RIC1: variants seen among roughly 807,000 people sequenced by gnomAD.
RIC1 encodes the protein guanine nucleotide exchange factor subunit RIC1.
In RIC1, 88 loss-of-function variants were observed where a neutral mutation model predicts 169.0. The observed-to-expected ratio is 0.52, with a 90% CI of 0.44 to 0.62. The LOEUF (loss-of-function observed/expected upper bound fraction) is 0.62. RIC1 is among the 20% of genes least tolerant of loss of function. The pLI, the probability that RIC1 is intolerant of heterozygous loss-of-function variation, is 0.00. For missense variants in RIC1, 1,877 were observed against 1,725.5 expected, an observed-to-expected ratio of 1.09 and a Z score of -1.56; for synonymous variants, 790 against 601.5, an observed-to-expected ratio of 1.31 and a Z score of -4.59.
intron 2 of RIC1, among the ~76,000 whole-genome samples, chr9:5,665,395 C>G (rs1819694065): frequency 6.6e-6 from 1 of 152,150 alleles, no homozygotes; most frequent in Non-Finnish European, 1.5e-5. Flanking sequence ...GCTCCTTTAG[C>G]TCAGTGAAGT....
At chr9:5,651,372 AG>A (rs1818791161) in intron 1 of RIC1, among the ~76,000 whole-genome samples, 1 of 151,484 alleles carries the variant, frequency 6.6e-6, no homozygotes, top group East Asian at 1.9e-4. Context: ...TTTTTTGTGA[AG>A]GAGGCAAGGG....
intron 11 of RIC1, among the ~76,000 whole-genome samples, chr9:5,746,512 A>G (rs1825384619): frequency 6.6e-6 from 1 of 152,152 alleles, no homozygotes; most frequent in Non-Finnish European, 1.5e-5. Context: ...GTAGGGCTCC[A>G]GAGGCTTAAA....
In RIC1 at chr9:5,689,071, C is replaced by T. The variant is rs1224764493; in HGVS notation, c.253-888C>T. On this transcript the variant is annotated intron_variant, in intron 2 of 25. Transcript: ENST00000414202. ...TTTTTTTTTTTTTTTTTTTTTGAGA[C>T]GGAGTCTCGCTCTGTCGCCCAGCGG... Among the ~76,000 whole-genome samples the T allele has an allele frequency of 1.7e-3, 141 of 83,842 alleles. 3 individuals carry two copies. In the South Asian group the frequency reaches 0.039, roughly 23 times the overall value. The allele number at this position is 83,842 out of a possible 152,430, so 55.0% of individuals were successfully genotyped here. A position where few individuals can be genotyped will look rare whatever the true frequency, so the allele number is the denominator to read the frequency against.
chr9:5,637,864 A>G (rs1392301466), intron 1 of RIC1, among the ~76,000 whole-genome samples: 1 of 152,126 alleles, frequency 6.6e-6, no homozygotes, highest in Non-Finnish European at 1.5e-5. Context: ...CCATCTGTTG[A>G]TGGACACTTC....
At chr9:5,733,559 G>A (rs372207026) in intron 7 of RIC1, among the ~76,000 whole-genome samples, 7 of 151,866 alleles carry the variant, frequency 4.6e-5, no homozygotes, top group South Asian at 4.2e-4. Flanking sequence ...CACCGTGCCC[G>A]GCCAGATTTT....
rs769818525 is a variant in RIC1 at position 5,746,015 on chromosome 9, G to A, written c.1180G>A (p.Val394Ile). The stretch of plus-strand genomic sequence containing the variant: ...TGAAATTGAGTCTGACCTCAGGAGT[G>A]TAGTTAAACAGCCCAGCATCCTGTT... ...NTEIESDLRS[V>I]VKQPSILLFQ... The change falls in exon 11 of 26, where the codon GTA (valine) becomes ATA (isoleucine). Residue 394 changes from valine (V) to isoleucine (I), a missense_variant. Coordinates refer to ENST00000414202, the MANE Select transcript of RIC1 (RefSeq NM_020829.4). 1.7e-5 allele frequency: 27 copies of A among 1,613,570 alleles called. No homozygotes were observed. The highest frequency in any genetic ancestry group is 2.0e-5 in the Non-Finnish European group (24 of 1,179,652).
At chr9:5,778,378 TTTTC>T (rs1279871566), downstream of RIC1, among the ~76,000 whole-genome samples, 4 of 152,342 alleles carry the variant, frequency 2.6e-5, no homozygotes, top group Non-Finnish European at 4.4e-5. Flanking sequence ...TCTGGATGCC[TTTTC>T]TTTCTTTCTC....
At position 5,641,368 on chromosome 9, in the gene RIC1, G is replaced by A. The variant is rs1377135187; in HGVS notation, c.144+11915G>A. The stretch of plus-strand genomic sequence containing the variant: ...GGCCTCCCAAAGTGCTGGGATTACA[G>A]GCATGAGCCACCGCGCCCGGCCGCC... On this transcript the variant is annotated intron_variant, in intron 1 of 25. Transcript: ENST00000414202. Among the ~76,000 whole-genome samples the A allele has an allele frequency of 2.6e-5, 4 of 152,110 alleles. No individual in the cohort carries two copies. In the South Asian group the frequency reaches 8.3e-4, roughly 31 times the overall value.
At chr9:5,714,337 C>G (rs938291324) in intron 4 of RIC1, among the ~76,000 whole-genome samples, 2 of 152,142 alleles carry the variant, frequency 1.3e-5, no homozygotes, top group African/African-American at 4.8e-5. Context: ...AGAGAAAGTG[C>G]CTTTGTTTCC....
chr9:5,722,280 C>G (rs1355183814), intron 6 of RIC1, among the ~76,000 whole-genome samples: 1 of 145,660 alleles, frequency 6.9e-6, no homozygotes, highest in Non-Finnish European at 1.5e-5. Context: ...TTTTTTACCC[C>G]GAGGAACTAT....
chr9:5,651,587 A>G (rs1586882389), intron 1 of RIC1, among the ~76,000 whole-genome samples: 1 of 120,300 alleles, frequency 8.3e-6, no homozygotes, highest in African/African-American at 3.1e-5. Context: ...TTTTATTGAG[A>G]CAGTCTCACC....
chr9:5,720,102 A>T, intron 4 of RIC1, 80 bp from the exon 5 acceptor site: 2 of 1,076,704 alleles, frequency 1.9e-6, no homozygotes, highest in Non-Finnish European at 2.7e-6. Context: ...TTGCATGAGT[A>T]TTCTCTAAAG....
intron 2 of RIC1, among the ~76,000 whole-genome samples, chr9:5,665,113 T>A (rs577180963): frequency 6.6e-6 from 1 of 152,244 alleles, no homozygotes; most frequent in South Asian, 2.1e-4. Flanking sequence ...GGAGCGTATA[T>A]ATTGAGGACA....
chr9:5,757,488 T>C (rs774937676), intron 17 of RIC1, 37 bp downstream of exon 17: 2 of 1,609,464 alleles, frequency 1.2e-6, no homozygotes, highest in Non-Finnish European at 1.7e-6. Context: ...GGAGTTTACA[T>C]TTCTGTTTTT....
intron 23 of RIC1, among the ~76,000 whole-genome samples, chr9:5,770,636 T>C (rs991719708): frequency 6.6e-6 from 1 of 152,218 alleles, no homozygotes; most frequent in South Asian, 2.1e-4. Context: ...CAAATTTTAC[T>C]GCATTATCAT....
intron 21 of RIC1, among the ~76,000 whole-genome samples, chr9:5,766,340 C>A (rs917439938): frequency 6.6e-6 from 1 of 152,148 alleles, no homozygotes; most frequent in Non-Finnish European, 1.5e-5. Flanking sequence ...CCTACCTGGC[C>A]AAATGCTACA....
intron 1 of RIC1, among the ~76,000 whole-genome samples, chr9:5,656,005 G>T (rs1586889701): frequency 6.6e-6 from 1 of 152,042 alleles, no homozygotes; most frequent in Middle Eastern, 3.4e-3. Context: ...GAGTAGCTGG[G>T]ACTACAGGCG....
At chr9:5,673,256 C>T (rs1266604696) in intron 2 of RIC1, among the ~76,000 whole-genome samples, 1 of 151,766 alleles carries the variant, frequency 6.6e-6, no homozygotes, top group African/African-American at 2.4e-5. Flanking sequence ...AACAAGGCAA[C>T]TTGCAGAAGG....
chr9:5,724,843 A>T (rs979971316), intron 6 of RIC1, among the ~76,000 whole-genome samples: 7 of 152,152 alleles, frequency 4.6e-5, no homozygotes, highest in African/African-American at 1.7e-4. Flanking sequence ...GGTTCTGTTT[A>T]TATGCTGTAT....
Sources: gnomAD v4.1 joint callset for allele counts (sites outside exome capture counted in the v4.1 genomes callset) on GRCh38, gnomAD v4.1.1 for gene constraint, MANE v1.5 for transcripts, NCBI Gene and HGNC (gene_info 2026-07-23, HGNC 2026-07-21) for gene names.